MYO9A: variants seen among roughly 807,000 people sequenced by gnomAD.
The protein encoded by MYO9A is myosin IXA.
A neutral mutation model predicts 293.3 loss-of-function variants in MYO9A; 103 were observed. That is an observed-to-expected ratio of 0.35 (90% CI 0.30 to 0.41). MYO9A has a LOEUF of 0.41. Ranked by LOEUF, MYO9A falls within the 10% of genes least tolerant of loss-of-function variation. The pLI is 1.00. For synonymous variants in MYO9A, 1,001 were observed against 1,035.7 expected (o/e 0.97, Z 0.64); for missense variants, 2,685 against 3,033.0 (o/e 0.89, Z 2.69).
chr15:71,979,749 G>A (rs2076227412), intron 11 of MYO9A, among the ~76,000 whole-genome samples: 3 of 152,176 alleles, frequency 2.0e-5, no homozygotes, highest in Admixed American at 2.0e-4. Context: ...GAAAAAGTGT[G>A]CCAAACTCTG....
chr15:71,923,959 CACTT>C (rs1165876003), intron 18 of MYO9A, among the ~76,000 whole-genome samples: 3 of 152,112 alleles, frequency 2.0e-5, no homozygotes, highest in Non-Finnish European at 2.9e-5. Flanking sequence ...AGATCTTTCT[CACTT>C]ACTAACGTAG....
chr15:71,918,257 A>G (rs966594525), intron 18 of MYO9A, among the ~76,000 whole-genome samples: 14 of 152,200 alleles, frequency 9.2e-5, no homozygotes, highest in African/African-American at 3.4e-4. Context: ...GTAAATTATT[A>G]TAACTTTCCT....
At chr15:71,846,290 T>C (rs999858859) in intron 39 of MYO9A, among the ~76,000 whole-genome samples, 1 of 152,124 alleles carries the variant, frequency 6.6e-6, no homozygotes. Context: ...GACTGCCATC[T>C]CAACACCAAG....
intron 11 of MYO9A, among the ~76,000 whole-genome samples, chr15:71,990,313 G>A (rs1402226778): frequency 1.3e-5 from 2 of 151,772 alleles, no homozygotes; most frequent in African/African-American, 4.8e-5. Context: ...TCTAACTCCT[G>A]GGCTCAAGAG....
intron 3 of MYO9A, among the ~76,000 whole-genome samples, chr15:72,032,105 C>T (rs2077890179): frequency 1.3e-5 from 2 of 152,030 alleles, no homozygotes; most frequent in Admixed American, 1.3e-4. Flanking sequence ...GATGGGTTTT[C>T]ACTATATGTT....
chr15:71,989,236 A>T lies in MYO9A; in HGVS notation c.1722+1867T>A, dbSNP rs10048041. Among the ~76,000 whole-genome samples, 50 of 152,248 alleles carry T rather than the reference A, an allele frequency of 3.3e-4. 1 individual carries two copies. The highest frequency in any genetic ancestry group is 2.9e-3 in the Admixed American group (45 of 15,290). ...TAACTTAATCAATCTTGAGATCCTC[A>T]TAAGAAATATCTAGTTACCCATCTT... On this transcript the variant is annotated intron_variant, in intron 11 of 41. Coordinates refer to ENST00000356056, the MANE Select transcript of MYO9A (RefSeq NM_006901.4).
At chr15:71,956,350 T>TATATATATATATATATATAAAA (rs1475961500) in intron 14 of MYO9A, among the ~76,000 whole-genome samples, 1 of 121,176 alleles carries the variant, frequency 8.3e-6, no homozygotes, top group African/African-American at 3.3e-5. Context: ...TATATATATA[T>TATATATATATATATATATAAAA]AAAATACGCC....
Position 71,824,923 on chromosome 15 carries a change from G to A in MYO9A, c.*1657C>T, listed in dbSNP as rs978558354. ...GTTCAGTGTTGTGTAACAGGAGAGA[G>A]AGACTCTGCCTTAACAAAAGACTTA... On this transcript the variant is annotated 3_prime_UTR_variant, in exon 42 of 42. Transcript: ENST00000356056. 1 of 152,182 alleles carries A rather than the reference G, an allele frequency of 6.6e-6. No homozygotes were observed. Among genetic ancestry groups the A allele is most frequent in the Non-Finnish European group, 1.5e-5 (1 of 68,040 alleles). 9.4% of individuals were successfully genotyped at this position (152,182 alleles called of 1,614,324 possible).
At chr15:72,081,602 C>A (rs945997341) in intron 1 of MYO9A, among the ~76,000 whole-genome samples, 2 of 152,180 alleles carry the variant, frequency 1.3e-5, no homozygotes, top group Non-Finnish European at 2.9e-5. Flanking sequence ...GTGTCTTCGT[C>A]ATAAAATCTT....
At chr15:71,928,049 TATATA>T (rs1460453445) in intron 18 of MYO9A, among the ~76,000 whole-genome samples, 7 of 11,432 alleles carry the variant, frequency 6.1e-4, no homozygotes, top group Non-Finnish European at 2.3e-3. Context: ...TATATATATA[TATATA>T]TATTTTTTTT....
chr15:72,030,259 G>A (rs188584798), intron 3 of MYO9A, among the ~76,000 whole-genome samples: 6 of 152,228 alleles, frequency 3.9e-5, no homozygotes, highest in East Asian at 1.9e-4. Flanking sequence ...ACCACCTTGC[G>A]TGGCAAATAT....
At chr15:72,111,521 A>G (rs1039056017) in intron 1 of MYO9A, among the ~76,000 whole-genome samples, 7 of 152,006 alleles carry the variant, frequency 4.6e-5, no homozygotes, top group African/African-American at 1.7e-4. Context: ...AAAACAGGAA[A>G]TAGACGTATT....
intron 32 of MYO9A, among the ~76,000 whole-genome samples, chr15:71,872,811 CAT>C (rs2056557807): frequency 6.6e-6 from 1 of 152,066 alleles, no homozygotes; most frequent in Non-Finnish European, 1.5e-5. Flanking sequence ...TTTTTAAAAA[CAT>C]ATGCAAATAG....
At chr15:71,918,549 T>C (rs964637666) in intron 18 of MYO9A, among the ~76,000 whole-genome samples, 1 of 152,290 alleles carries the variant, frequency 6.6e-6, no homozygotes, top group East Asian at 1.9e-4. Flanking sequence ...TTGTGCTAAT[T>C]AGAAAGTTTT....
chr15:71,946,450 A>G (rs999192268), intron 15 of MYO9A, among the ~76,000 whole-genome samples: 11 of 152,210 alleles, frequency 7.2e-5, no homozygotes, highest in African/African-American at 2.7e-4. Flanking sequence ...CATTTCACGT[A>G]AGTTGAACTG....
chr15:71,933,832 C>G, intron 17 of MYO9A, 123 bp from the exon 18 acceptor site: 2 of 775,998 alleles, frequency 2.6e-6, no homozygotes, highest in Non-Finnish European at 4.3e-6. Flanking sequence ...ATTACCAAGA[C>G]TGTAGGTTCT....
chr15:71,857,678 T>G lies in MYO9A; in HGVS notation c.6153+2057A>C, dbSNP rs189625832. Among the ~76,000 whole-genome samples the G allele has an allele frequency of 1.4e-3, 206 of 151,732 alleles. 1 individual carries two copies. Among genetic ancestry groups the G allele is most frequent in the African/African-American group, 4.7e-3 (195 of 41,066 alleles). ...TAGCTTTCAGTCAACATTATGTTTG[T>G]ATCGACAGTTTTTTTTTTTGCACTT... is the stretch of plus-strand genomic sequence containing the variant. On this transcript the variant is annotated intron_variant, in intron 34 of 41. Transcript: ENST00000356056.
intron 15 of MYO9A, among the ~76,000 whole-genome samples, chr15:71,947,067 T>C: frequency 6.6e-6 from 1 of 152,054 alleles, no homozygotes; most frequent in East Asian, 1.9e-4. Flanking sequence ...CAATAAGCCA[T>C]GATTGTGCCA....
intron 1 of MYO9A, among the ~76,000 whole-genome samples, chr15:72,048,431 T>C (rs1281242795): frequency 6.6e-6 from 1 of 151,460 alleles, no homozygotes; most frequent in African/African-American, 2.4e-5. Flanking sequence ...AATAAACTAG[T>C]GAGGAAAGGA....
Sources: allele counts gnomAD v4.1 joint callset (sites outside exome capture counted in the v4.1 genomes callset), GRCh38; gene constraint gnomAD v4.1.1; transcripts MANE v1.5; gene names NCBI Gene and HGNC (gene_info 2026-07-23, HGNC 2026-07-21).